Variants in CLEC4F observed in about 807,000 individuals in gnomAD.
CLEC4F encodes C-type (calcium dependent, carbohydrate-recognition domain) lectin, superfamily member 13.
A neutral mutation model predicts 53.4 loss-of-function variants in CLEC4F; 45 were observed. The ratio of observed to expected loss-of-function variants is 0.84; its 90% confidence interval spans 0.66 to 1.08. The LOEUF is 1.08. Ranked by LOEUF, CLEC4F falls within the 50% of genes least tolerant of loss-of-function variation. CLEC4F has a pLI of 0.00. For missense variants in CLEC4F, 753 were observed against 698.2 expected, an observed-to-expected ratio of 1.08 and a Z score of -0.88; for synonymous variants, 245 against 257.5, an observed-to-expected ratio of 0.95 and a Z score of 0.46.
In CLEC4F at chr2:70,819,835, C is replaced by T. The variant is rs782745688; in HGVS notation, c.118G>A (p.Ala40Thr). The change falls in exon 2 of 7, where the codon GCT (alanine) becomes ACT (threonine). Residue 40 changes from alanine (A) to threonine (T), a missense_variant. Transcript: ENST00000272367. Reference sequence around the variant, plus strand: ...GTCACAGCCATAAATGCCGGGGTAGCCTGAACGAGCCTCGGTATCTTGGGG... The same window carrying T: ...GTCACAGCCATAAATGCCGGGGTAGTCTGAACGAGCCTCGGTATCTTGGGG... ...AAPKIPRLVQATPAFMAVTLV... is the reference protein window; with the variant it reads ...AAPKIPRLVQTTPAFMAVTLV... The T allele has an allele frequency of 2.5e-6, 4 of 1,609,298 alleles. No homozygotes were observed. The highest frequency in any genetic ancestry group is 1.3e-5 in the African/African-American group (1 of 74,724).
rs540605788 is a variant in CLEC4F at position 70,816,476 on chromosome 2, G to A, written c.905C>T (p.Thr302Ile). Residue 302 changes from threonine to isoleucine, a missense_variant, in exon 4 of 7, where the codon ACC (threonine) becomes ATC (isoleucine). Physicochemically the swap from Thr to Ile is moderately conservative, Grantham distance 89. Coordinates refer to ENST00000272367, the MANE Select transcript of CLEC4F (RefSeq NM_173535.3). ...AAAACTGCTTTTTATAAAGGCCTGG[G>A]TCTGGGAGTTTAAAGCATTTGTGTT... The part of the protein sequence containing the change: ...LQNTNALNSQ[T>I]QAFIKSSFDN... The A allele has an allele frequency of 2.5e-6, 4 of 1,614,162 alleles. No individual in the cohort carries two copies. Among genetic ancestry groups the A allele is most frequent in the African/African-American group, 1.3e-5 (1 of 75,032 alleles).
At chr2:70,822,894 C>T (rs535237719), upstream of CLEC4F, among the ~76,000 whole-genome samples, 1 of 152,334 alleles carries the variant, frequency 6.6e-6, no homozygotes, top group African/African-American at 2.4e-5. Context: ...TTATAGGTCC[C>T]CAGCTGCCAA....
chr2:70,814,052 A>G (rs1676762238), intron 4 of CLEC4F, among the ~76,000 whole-genome samples: 1 of 152,140 alleles, frequency 6.6e-6, no homozygotes, highest in Admixed American at 6.5e-5. Flanking sequence ...CCAGGCAGGG[A>G]AAAGGATCAG....
upstream of CLEC4F, among the ~76,000 whole-genome samples, chr2:70,821,114 TG>T (rs1677202914): frequency 6.6e-6 from 1 of 152,166 alleles, no homozygotes; most frequent in South Asian, 2.1e-4. Flanking sequence ...TGAGCATCTG[TG>T]GACTTTGGTA....
At chr2:70,811,574 G>A (rs1676566323) in intron 5 of CLEC4F, 2 of 323,898 alleles carry the variant, frequency 6.2e-6, no homozygotes, top group East Asian at 7.3e-5. Context: ...GCCAACAGGG[G>A]GGTAGGCAGT....
chr2:70,819,424 C>A lies in CLEC4F; in HGVS notation c.199G>T (p.Val67Phe). Residue 67 changes from valine (V) to phenylalanine (F), a missense_variant, in exon 3 of 7, where the codon GTT becomes TTT. Transcript: ENST00000272367. ...ATTACGGCTTGCACAGGCTTCGGAA[C>A]AGGTCTTGTCTGCTGTTGAACTGAG... ...FVVVQQQTRP[V>F]PKPVQAVILG... 2 of 1,614,180 alleles carry A rather than the reference C, an allele frequency of 1.2e-6. No homozygotes were observed. Among genetic ancestry groups the A allele is most frequent in the African/African-American group, 2.7e-5 (2 of 75,050 alleles).
intron 4 of CLEC4F, among the ~76,000 whole-genome samples, chr2:70,814,642 G>C (rs964429892): frequency 2.6e-5 from 4 of 152,124 alleles, no homozygotes; most frequent in Admixed American, 6.5e-5. Context: ...ATGCTCATTA[G>C]TTTACTGTCT....
intron 4 of CLEC4F, 121 bp from the exon 5 acceptor site, chr2:70,812,719 G>T: frequency 2.0e-6 from 2 of 997,034 alleles, no homozygotes; most frequent in Non-Finnish European, 3.0e-6. Context: ...AATTCTTGAT[G>T]TGCAGTGCTC....
At chr2:70,817,769 A>G (rs1677002411) in intron 3 of CLEC4F, among the ~76,000 whole-genome samples, 1 of 152,220 alleles carries the variant, frequency 6.6e-6, no homozygotes, top group Non-Finnish European at 1.5e-5. Flanking sequence ...CCCTCCAGGT[A>G]ACTAACACTG....
upstream of CLEC4F, among the ~76,000 whole-genome samples, chr2:70,822,693 T>C (rs1574388041): frequency 6.6e-6 from 1 of 152,376 alleles, no homozygotes; most frequent in Non-Finnish European, 1.5e-5. Context: ...ACAATCTTTT[T>C]GAAATAAATC....
At chr2:70,818,508 G>C (rs1243393134) in intron 3 of CLEC4F, among the ~76,000 whole-genome samples, 3 of 152,006 alleles carry the variant, frequency 2.0e-5, no homozygotes, top group African/African-American at 7.2e-5. Flanking sequence ...TCAGGGGATC[G>C]AGACCATCCT....
At chr2:70,813,591 T>TTC (rs1241162392) in intron 4 of CLEC4F, among the ~76,000 whole-genome samples, 8 of 139,432 alleles carry the variant, frequency 5.7e-5, no homozygotes, top group African/African-American at 8.1e-5. Context: ...TTCTCTCTCT[T>TTC]TCTTTCTCTT....
chr2:70,815,566 G>A (rs1413072550), intron 4 of CLEC4F, among the ~76,000 whole-genome samples: 1 of 152,150 alleles, frequency 6.6e-6, no homozygotes, highest in Non-Finnish European at 1.5e-5. Flanking sequence ...TTTGTTAAAG[G>A]CCTTACATGT....
Position 70,812,544 on chromosome 2 carries a change from T to C in CLEC4F, c.1442A>G (p.Tyr481Cys), listed in dbSNP as rs1199828158. 3 of 1,614,170 alleles carry C rather than the reference T, an allele frequency of 1.9e-6. No homozygotes were observed. Among genetic ancestry groups the C allele is most frequent in the Non-Finnish European group, 1.7e-6 (2 of 1,180,022 alleles). ...AGACTTCTTGACACTAGAAAAATAA[T>C]ATAAGCTTCCACCATTGAACTTCCA... ...QGWKFNGGSL[Y>C]YFSSVKKSWH... is the part of the protein sequence containing the mutation. The change falls in exon 5 of 7, where the codon TAT (tyrosine) becomes TGT (cysteine). Residue 481 changes from tyrosine to cysteine, a missense_variant. Tyr to Cys is a radical substitution (Grantham distance 194). Coordinates refer to ENST00000272367, the MANE Select transcript of CLEC4F (RefSeq NM_173535.3).
At position 70,816,395 on chromosome 2, in the gene CLEC4F, T is replaced by C; in HGVS notation, c.986A>G (p.Asp329Gly). 1 of 1,613,762 alleles carries C rather than the reference T, an allele frequency of 6.2e-7. No homozygotes were observed. Among genetic ancestry groups the C allele is most frequent in the Non-Finnish European group, 8.5e-7 (1 of 1,179,910 alleles). ...FLRGHLERAG[D>G]EIHVLKRDLK... ...ATCCCTTTTTAACACGTGAATTTCA[T>C]CACCAGCTCTTTCCAAATGACCTCT... Residue 329 changes from aspartate to glycine, a missense_variant, in exon 4 of 7, where the codon GAT becomes GGT. Asp to Gly is a moderately conservative substitution (Grantham distance 94, BLOSUM62 -1). Coordinates refer to ENST00000272367, the MANE Select transcript of CLEC4F (RefSeq NM_173535.3).
chr2:70,825,138 C>A (rs1409073509), upstream of CLEC4F, among the ~76,000 whole-genome samples: 1 of 152,144 alleles, frequency 6.6e-6, no homozygotes, highest in Non-Finnish European at 1.5e-5. Context: ...AAACTCAGTA[C>A]CCCAATGTAA....
In CLEC4F at chr2:70,811,834, G is replaced by C. The variant is rs111745422; in HGVS notation, c.1539+613C>G. Among the ~76,000 whole-genome samples, 6 of 152,282 alleles carry C rather than the reference G, an allele frequency of 3.9e-5. 1 individual carries two copies. Among genetic ancestry groups the C allele is most frequent in the African/African-American group, 1.4e-4 (6 of 41,558 alleles). ...GTGGCTCACTCCCAGCACTTTGGGAGGCCCACTTCGGTGAATAACTTGAGC... is the reference window on the plus strand; with the variant it reads ...GTGGCTCACTCCCAGCACTTTGGGACGCCCACTTCGGTGAATAACTTGAGC... On this transcript the variant is annotated intron_variant, in intron 5 of 6. Coordinates refer to ENST00000272367, the MANE Select transcript of CLEC4F (RefSeq NM_173535.3).
rs782430983 is a variant in CLEC4F, at chr2:70,809,724, G to T, written c.1658+15C>A. 17 of 1,598,008 alleles carry T rather than the reference G, an allele frequency of 1.1e-5. No homozygotes were observed. The Admixed American group carries it at 2.8e-4, about 27-fold the overall frequency. On this transcript the variant is annotated intron_variant, in intron 6 of 6. Transcript: ENST00000272367. ...GACAGTGCCTGGGACAGCGCCAGAT[G>T]GTGGCTAGACTCACGCTTTGTTCTG...
chr2:70,820,168 T>G lies in CLEC4F; in HGVS notation c.62-277A>C, dbSNP rs1445137340. On this transcript the variant is annotated intron_variant, in intron 1 of 6. Coordinates refer to ENST00000272367, the MANE Select transcript of CLEC4F (RefSeq NM_173535.3). Reference sequence around the variant, plus strand: ...CCAAATCTCAAGGAGGCTTTGGTGGTGCACAGGGCACAGAACCTGGCACAG... The same window carrying G: ...CCAAATCTCAAGGAGGCTTTGGTGGGGCACAGGGCACAGAACCTGGCACAG... Among the ~76,000 whole-genome samples the G allele has an allele frequency of 2.0e-5, 3 of 152,046 alleles. No homozygotes were observed. In the East Asian group the frequency reaches 5.8e-4, roughly 29 times the overall value.
Sources: gnomAD v4.1 joint callset for allele counts (sites outside exome capture counted in the v4.1 genomes callset) on GRCh38, gnomAD v4.1.1 for gene constraint, MANE v1.5 for transcripts, NCBI Gene and HGNC (gene_info 2026-07-23, HGNC 2026-07-21) for gene names.